The following CD247 variants were observed in gnomAD, a reference collection of about 807,000 sequenced individuals.
The protein encoded by CD247 is CD247 molecule, also known as T-cell surface glycoprotein CD3 zeta chain.
A neutral mutation model predicts 30.0 loss-of-function variants in CD247; 13 were observed. The observed-to-expected ratio is 0.43, with a 90% confidence interval of 0.28 to 0.69. The LOEUF (loss-of-function observed/expected upper bound fraction) is 0.69. CD247 is among the 30% of genes least tolerant of loss of function. CD247 has a pLI of 0.16. For missense variants in CD247, 193 were observed against 212.6 expected, an observed-to-expected ratio of 0.91 and a Z score of 0.57; for synonymous variants, 72 against 80.0, an observed-to-expected ratio of 0.90 and a Z score of 0.53.
intron 1 of CD247, among the ~76,000 whole-genome samples, chr1:167,482,191 G>A (rs1010885324): frequency 6.6e-6 from 1 of 152,156 alleles, no homozygotes; most frequent in Non-Finnish European, 1.5e-5. Context: ...AACACCACCC[G>A]ACTGGAGACA....
Position 167,444,691 on chromosome 1 carries a change from C to T in CD247, c.59-3924G>A, listed in dbSNP as rs191872224. ...ATTGAGATTCAGACCTGCATCATTA[C>T]AGGGGCCACAGCATGTGAGAGGGAA... On this transcript the variant is annotated intron_variant, in intron 1 of 7. Transcript: ENST00000362089. 2.3e-4 allele frequency among the ~76,000 whole-genome samples: 35 copies of T among 152,324 alleles called. 1 individual carries two copies. In the East Asian group the frequency reaches 6.6e-3, roughly 29 times the overall value.
intron 1 of CD247, among the ~76,000 whole-genome samples, chr1:167,460,889 G>A (rs1231141821): frequency 4.6e-5 from 7 of 152,186 alleles, no homozygotes; most frequent in African/African-American, 7.2e-5. Context: ...ACATTTGCAA[G>A]TTTCCTATTC....
intron 1 of CD247, among the ~76,000 whole-genome samples, chr1:167,445,614 C>T (rs1312209726): frequency 6.6e-6 from 1 of 152,062 alleles, no homozygotes; most frequent in Non-Finnish European, 1.5e-5. Context: ...TCTGGAGCCC[C>T]AGAGTGCACC....
At chr1:167,502,263 G>A (rs2102100443) in intron 1 of CD247, among the ~76,000 whole-genome samples, 1 of 152,332 alleles carries the variant, frequency 6.6e-6, no homozygotes, top group Non-Finnish European at 1.5e-5. Flanking sequence ...GTGGTGCACG[G>A]CCATCAGCGT....
At chr1:167,473,594 C>T (rs1042731379) in intron 1 of CD247, among the ~76,000 whole-genome samples, 3 of 152,172 alleles carry the variant, frequency 2.0e-5, no homozygotes, top group South Asian at 2.1e-4. Context: ...CTGGGGAGTT[C>T]GTGCAGAACT....
Position 167,438,711 on chromosome 1 carries a change from C to A in CD247, c.220-61G>T. ...AGGAACCTCAGAAGGATGGAGCCAG[C>A]TGGACTGGGGAGTGTGGTTTCCCTC... On this transcript the variant is annotated intron_variant, in intron 3 of 7. Transcript: ENST00000362089. The A allele has an allele frequency of 2.2e-6, 3 of 1,335,262 alleles. No individual in the cohort carries two copies. In the Admixed American group the frequency reaches 5.0e-5, roughly 22 times the overall value. The allele number at this position is 1,335,262 out of a possible 1,614,324, so 82.7% of individuals were successfully genotyped here. A position where few individuals can be genotyped will look rare whatever the true frequency, so the allele number is the denominator to read the frequency against.
chr1:167,475,115 C>A (rs999800177), intron 1 of CD247, among the ~76,000 whole-genome samples: 8 of 152,130 alleles, frequency 5.3e-5, no homozygotes, highest in Admixed American at 6.5e-5. Flanking sequence ...AACCAACATA[C>A]TTATTGCTCA....
At chr1:167,484,229 C>T (rs566343134) in intron 1 of CD247, among the ~76,000 whole-genome samples, 2 of 152,216 alleles carry the variant, frequency 1.3e-5, no homozygotes, top group Non-Finnish European at 2.9e-5. Flanking sequence ...GAGACCACTT[C>T]CTTTACCCCC....
At chr1:167,438,869 C>A (rs1651677939) in intron 3 of CD247, among the ~76,000 whole-genome samples, 1 of 152,174 alleles carries the variant, frequency 6.6e-6, no homozygotes, top group Non-Finnish European at 1.5e-5. Flanking sequence ...CCCCAAAGGT[C>A]ACCAAGTACT....
chr1:167,495,231 C>G (rs985534424), intron 1 of CD247, among the ~76,000 whole-genome samples: 1 of 152,208 alleles, frequency 6.6e-6, no homozygotes, highest in Non-Finnish European at 1.5e-5. Flanking sequence ...GTTACATAAC[C>G]TCTCTAAGCC....
chr1:167,491,594 A>G lies in CD247; in HGVS notation c.58+26814T>C, dbSNP rs528692765. Among the ~76,000 whole-genome samples, 24 of 152,096 alleles carry G rather than the reference A, an allele frequency of 1.6e-4. No homozygotes were observed. The South Asian group carries it at 3.9e-3, about 25-fold the overall frequency. ...AAAAAAAAAAAAATAGAACTATCAT[A>G]TGGTCTAGCAATTCTACTTCTGGTT... On this transcript the variant is annotated intron_variant, in intron 1 of 7. Transcript: ENST00000362089.
chr1:167,487,116 C>A (rs1448442953), intron 1 of CD247, among the ~76,000 whole-genome samples: 1 of 146,854 alleles, frequency 6.8e-6, no homozygotes, highest in Non-Finnish European at 1.5e-5. Flanking sequence ...TGATGGTTCA[C>A]ATCTATAATT....
chr1:167,513,519 C>G (rs1655481049), intron 1 of CD247, among the ~76,000 whole-genome samples: 2 of 152,118 alleles, frequency 1.3e-5, no homozygotes, highest in Admixed American at 6.5e-5. Context: ...TATTTAGTAA[C>G]CTGGATCAAA....
chr1:167,485,895 T>C (rs1159813490), intron 1 of CD247, among the ~76,000 whole-genome samples: 1 of 151,958 alleles, frequency 6.6e-6, no homozygotes, highest in African/African-American at 2.4e-5. Flanking sequence ...AAAGAAACTA[T>C]GGAGCTGCCA....
chr1:167,458,732 C>G (rs552121527), intron 1 of CD247: 2 of 110,040 alleles, frequency 1.8e-5, no homozygotes, highest in Admixed American at 1.2e-4. Flanking sequence ...GGGTCTTGCT[C>G]TCTTGTCCAG....
intron 1 of CD247, among the ~76,000 whole-genome samples, chr1:167,482,452 T>A (rs917228888): frequency 1.1e-4 from 17 of 151,960 alleles, no homozygotes; most frequent in African/African-American, 3.9e-4. Context: ...TGGGGTGGAG[T>A]GAACGTCTTT....
chr1:167,512,003 G>C (rs939466933), intron 1 of CD247, among the ~76,000 whole-genome samples: 2 of 152,064 alleles, frequency 1.3e-5, no homozygotes, highest in Non-Finnish European at 2.9e-5. Context: ...GACTGGCAAG[G>C]GTCCTGCTTG....
intron 1 of CD247, among the ~76,000 whole-genome samples, chr1:167,493,037 CTTTTTT>C (rs60850667): frequency 7.5e-5 from 6 of 80,366 alleles, no homozygotes; most frequent in Admixed American, 1.9e-4. Flanking sequence ...AATTTTTCTC[CTTTTTT>C]TTTTTTTTTT....
chr1:167,505,702 T>C (rs1655085875), intron 1 of CD247, among the ~76,000 whole-genome samples: 1 of 152,218 alleles, frequency 6.6e-6, no homozygotes, highest in South Asian at 2.1e-4. Context: ...GAGACCAAGG[T>C]AGGCTTCTCA....
Sources: gnomAD v4.1 joint callset for allele counts (sites outside exome capture counted in the v4.1 genomes callset) on GRCh38, gnomAD v4.1.1 for gene constraint, MANE v1.5 for transcripts, NCBI Gene and HGNC (gene_info 2026-07-23, HGNC 2026-07-21) for gene names.